Variants in IFT74 observed in about 807,000 individuals in gnomAD.
The protein encoded by IFT74 is intraflagellar transport 74.
IFT74 carries 92 observed loss-of-function variants against 96.7 expected under a neutral mutation model. That is an observed-to-expected ratio of 0.95 (90% CI 0.80 to 1.13). IFT74 has a LOEUF of 1.13. IFT74 is among the 50% of genes most tolerant of loss of function. The pLI is 0.00. For missense variants in IFT74, 811 were observed against 698.2 expected, an observed-to-expected ratio of 1.16 and a Z score of -1.82; for synonymous variants, 223 against 213.2, an observed-to-expected ratio of 1.05 and a Z score of -0.40.
chr9:26,961,452 A>T (rs1314600211), intron 1 of IFT74, among the ~76,000 whole-genome samples: 2 of 152,126 alleles, frequency 1.3e-5, no homozygotes, highest in East Asian at 3.9e-4. Flanking sequence ...GAGCAAGAAA[A>T]GTGCCACCTC....
chr9:27,000,642 A>G (rs1488816483), intron 8 of IFT74, among the ~76,000 whole-genome samples: 1 of 152,224 alleles, frequency 6.6e-6, no homozygotes, highest in Non-Finnish European at 1.5e-5. Context: ...TATAATGGAA[A>G]CATTCAAATT....
chr9:27,029,225 A>G (rs1830010914), intron 13 of IFT74, 121 bp downstream of exon 13: 2 of 625,484 alleles, frequency 3.2e-6, no homozygotes, highest in East Asian at 6.4e-5. Flanking sequence ...TCTCTATGAT[A>G]TTACTAACTT....
chr9:27,049,243 T>C (rs1366104357), intron 16 of IFT74, among the ~76,000 whole-genome samples: 1 of 152,172 alleles, frequency 6.6e-6, no homozygotes, highest in African/African-American at 2.4e-5. Flanking sequence ...CAGTCTCAGG[T>C]ATGCCTTTAT....
chr9:27,056,121 G>T (rs967410728), intron 17 of IFT74, among the ~76,000 whole-genome samples: 2 of 151,964 alleles, frequency 1.3e-5, no homozygotes, highest in African/African-American at 4.8e-5. Flanking sequence ...TGGTAGGGTC[G>T]GGAGAGATAT....
At position 27,055,789 on chromosome 9, in the gene IFT74, T is replaced by C; in HGVS notation, c.1497+17T>C. On this transcript the variant is annotated intron_variant, in intron 17 of 19. Coordinates refer to ENST00000380062, the MANE Select transcript of IFT74 (RefSeq NM_025103.4). The stretch of plus-strand genomic sequence containing the variant: ...AAGATAAAGGTAAATGTTAACCAAG[T>C]CTTACAGAATTACAATTCAGATTGT... The C allele has an allele frequency of 2.1e-6, 3 of 1,452,358 alleles. No homozygotes were observed. Among genetic ancestry groups the C allele is most frequent in the Non-Finnish European group, 2.7e-6 (3 of 1,091,426 alleles). 90.0% of individuals were successfully genotyped at this position (1,452,358 alleles called of 1,614,324 possible).
chr9:27,030,858 G>T (rs537077924), intron 13 of IFT74, among the ~76,000 whole-genome samples: 5 of 152,230 alleles, frequency 3.3e-5, no homozygotes, highest in African/African-American at 1.2e-4. Context: ...AAAAAGTATT[G>T]TTCTTCCAAG....
chr9:27,061,479 G>A (rs1022259433), intron 19 of IFT74, among the ~76,000 whole-genome samples: 1 of 151,806 alleles, frequency 6.6e-6, no homozygotes, highest in Admixed American at 6.6e-5. Flanking sequence ...CAGGGGTCTC[G>A]CCAACTTAGC....
At chr9:26,977,169 G>A (rs12235490) in intron 2 of IFT74, among the ~76,000 whole-genome samples, 15,539 of 151,194 alleles carry the variant, frequency 0.1, 1,819 homozygotes, top group East Asian at 0.65. Flanking sequence ...TTTAAAAGAC[G>A]GTCTCTCTAT....
At chr9:27,048,358 C>G in intron 16 of IFT74, 84 bp downstream of exon 16, 1 of 945,664 alleles carries the variant, frequency 1.1e-6, no homozygotes, top group East Asian at 2.8e-5. Flanking sequence ...GCCTCATTGA[C>G]AGAGGCTATA....
chr9:27,012,836 C>A (rs895986419), intron 10 of IFT74, among the ~76,000 whole-genome samples: 10 of 151,032 alleles, frequency 6.6e-5, no homozygotes, highest in African/African-American at 2.4e-4. Flanking sequence ...CCTGCCTCAG[C>A]CTCCAGAGTA....
chr9:26,982,250 A>C, intron 4 of IFT74: 1 of 332,800 alleles, frequency 3.0e-6, no homozygotes, highest in South Asian at 2.2e-5. Flanking sequence ...GCCTAATTTT[A>C]ATTAATTCAT....
At position 26,978,141 on chromosome 9, in the gene IFT74, C is replaced by T. The variant is rs1827203977; in HGVS notation, c.134C>T (p.Thr45Ile). ...TTTGTCATTTAGATGCCACCTGGGA[C>T]AGCAAGACCAGGTTCTCGTGGTTGT... ...IRVATAMPPGTARPGSRGCPI... is the reference protein window; with the variant it reads ...IRVATAMPPGIARPGSRGCPI... The change falls in exon 3 of 20, where the codon ACA becomes ATA. Residue 45 changes from threonine (T) to isoleucine (I), a missense_variant. Physicochemically the swap from Thr to Ile is moderately conservative, Grantham distance 89. Transcript: ENST00000380062. 3.8e-6 allele frequency: 6 copies of T among 1,599,086 alleles called. No homozygotes were observed. The highest frequency in any genetic ancestry group is 4.2e-6 in the Non-Finnish European group (5 of 1,176,950).
chr9:27,048,808 C>G (rs138687578), intron 16 of IFT74, among the ~76,000 whole-genome samples: 2 of 152,144 alleles, frequency 1.3e-5, no homozygotes, highest in South Asian at 4.1e-4. Context: ...CTGATAATCA[C>G]GTTTTAATGG....
At chr9:26,977,441 C>G (rs1320245202) in intron 2 of IFT74, among the ~76,000 whole-genome samples, 1 of 152,172 alleles carries the variant, frequency 6.6e-6, no homozygotes, top group Non-Finnish European at 1.5e-5. Flanking sequence ...CTAAAACAAA[C>G]AAAAACGGAA....
At chr9:26,978,764 C>G (rs1286329783) in intron 3 of IFT74, among the ~76,000 whole-genome samples, 1 of 151,926 alleles carries the variant, frequency 6.6e-6, no homozygotes, top group East Asian at 1.9e-4. Flanking sequence ...TACTTTTTTT[C>G]TGATAATTAG....
At chr9:27,024,897 C>T (rs1363947288) in intron 12 of IFT74, among the ~76,000 whole-genome samples, 1 of 150,266 alleles carries the variant, frequency 6.7e-6, no homozygotes, top group Non-Finnish European at 1.5e-5. Flanking sequence ...TAGAATCAAA[C>T]AAGCAGAAGA....
intron 2 of IFT74, among the ~76,000 whole-genome samples, chr9:26,964,750 C>T (rs940166661): frequency 6.6e-6 from 1 of 151,978 alleles, no homozygotes; most frequent in Non-Finnish European, 1.5e-5. Flanking sequence ...TCATCTAGAA[C>T]AATACCACAA....
chr9:27,053,071 G>C (rs548619914), intron 16 of IFT74, among the ~76,000 whole-genome samples: 259 of 151,058 alleles, frequency 1.7e-3, no homozygotes, highest in African/African-American at 5.9e-3. Context: ...CACCGTGTTA[G>C]CCAGGATGGC....
At chr9:27,017,200 G>T in intron 11 of IFT74, 150 bp downstream of exon 11, 1 of 473,428 alleles carries the variant, frequency 2.1e-6, no homozygotes, top group Non-Finnish European at 3.6e-6. Flanking sequence ...TTTTAATCTA[G>T]ATTTTCTTCC....
Sources: allele counts gnomAD v4.1 joint callset (sites outside exome capture counted in the v4.1 genomes callset), GRCh38; gene constraint gnomAD v4.1.1; transcripts MANE v1.5; gene names NCBI Gene and HGNC (gene_info 2026-07-23, HGNC 2026-07-21).